RABGAP1: variants seen among roughly 807,000 people sequenced by gnomAD.
RABGAP1 encodes RAB GTPase activating protein 1.
A neutral mutation model predicts 137.6 loss-of-function variants in RABGAP1; 23 were observed. That is an observed-to-expected ratio of 0.17 (90% confidence interval 0.12 to 0.24). RABGAP1 has a LOEUF of 0.24. Among genes scored for constraint, RABGAP1 ranks in the 10% least tolerant of loss-of-function variants. The probability of loss-of-function intolerance (pLI) is 1.00; values close to 1 mark genes in which losing one functional copy is unlikely to be tolerated. For missense variants in RABGAP1, 906 were observed against 1,275.8 expected, an observed-to-expected ratio of 0.71 and a Z score of 4.42; for synonymous variants, 451 against 450.7, an observed-to-expected ratio of 1.00 and a Z score of -0.01.
chr9:123,042,462 A>T (rs1013076182), intron 13 of RABGAP1, among the ~76,000 whole-genome samples: 1 of 152,258 alleles, frequency 6.6e-6, no homozygotes, highest in East Asian at 1.9e-4. Flanking sequence ...AACAACCAAA[A>T]AACCCAACTG....
At chr9:122,955,525 G>A (rs576857052) in intron 1 of RABGAP1, among the ~76,000 whole-genome samples, 3 of 152,300 alleles carry the variant, frequency 2.0e-5, no homozygotes, top group South Asian at 2.1e-4. Flanking sequence ...TAAATAAAAG[G>A]CAGCAGAGAG....
At chr9:123,049,041 G>C (rs537220454) in intron 13 of RABGAP1, among the ~76,000 whole-genome samples, 1 of 152,282 alleles carries the variant, frequency 6.6e-6, no homozygotes, top group East Asian at 1.9e-4. Flanking sequence ...GCCATATTTG[G>C]ATTGAAACAA....
intron 11 of RABGAP1, among the ~76,000 whole-genome samples, chr9:123,014,906 A>G (rs1485901690): frequency 6.6e-6 from 1 of 152,120 alleles, no homozygotes; most frequent in Admixed American, 6.5e-5. Flanking sequence ...AGATGCTTAT[A>G]AAACCATCAG....
chr9:123,073,567 G>A lies in RABGAP1; in HGVS notation c.1999G>A (p.Ala667Thr). 6.2e-7 allele frequency: 1 copy of A among 1,612,766 alleles called. No homozygotes were observed. Among genetic ancestry groups the A allele is most frequent in the Non-Finnish European group, 8.5e-7 (1 of 1,179,446 alleles). ...TCTGTTACAGATGCCTGAAGAACAG[G>A]CATTCAGTGTTCTGGTCAAGATCAT... ...VLLLHMPEEQ[A>T]FSVLVKIMFD... is the part of the protein sequence containing the mutation. The change falls in exon 16 of 26, where the codon GCA becomes ACA. Residue 667 changes from alanine to threonine, a missense_variant. Around this residue, in one of 9 missense-constraint regions of RABGAP1, gnomAD observed 30 missense variants for 105.8 expected, o/e 0.28. Coordinates refer to ENST00000373647, the MANE Select transcript of RABGAP1 (RefSeq NM_012197.4).
chr9:122,960,608 A>C (rs1481588583), intron 2 of RABGAP1, among the ~76,000 whole-genome samples: 1 of 152,232 alleles, frequency 6.6e-6, no homozygotes, highest in African/African-American at 2.4e-5. Context: ...GTTTCTAACC[A>C]AAAATTATAA....
chr9:122,941,405 C>T (rs1279527970), intron 1 of RABGAP1, among the ~76,000 whole-genome samples: 1 of 152,206 alleles, frequency 6.6e-6, no homozygotes, highest in African/African-American at 2.4e-5. Context: ...TCCCTCTGGT[C>T]CCCCAGCAAA....
At chr9:123,048,089 A>G (rs1346674134) in intron 13 of RABGAP1, among the ~76,000 whole-genome samples, 1 of 151,776 alleles carries the variant, frequency 6.6e-6, no homozygotes, top group Non-Finnish European at 1.5e-5. Context: ...ACAGGTGTGC[A>G]TCACCACGCC....
At chr9:123,012,492 C>T (rs1028688154) in intron 11 of RABGAP1, among the ~76,000 whole-genome samples, 18 of 152,198 alleles carry the variant, frequency 1.2e-4, no homozygotes, top group African/African-American at 4.1e-4. Flanking sequence ...CTGGGCCCGA[C>T]TAAAGGTTCC....
intron 2 of RABGAP1, among the ~76,000 whole-genome samples, chr9:122,970,508 C>G (rs542922470): frequency 2.0e-5 from 3 of 152,242 alleles, no homozygotes; most frequent in African/African-American, 7.2e-5. Flanking sequence ...AGGTTTGTTA[C>G]AAATGTATAT....
chr9:122,980,951 C>G (rs890764520), intron 2 of RABGAP1, among the ~76,000 whole-genome samples: 3 of 152,042 alleles, frequency 2.0e-5, no homozygotes, highest in Non-Finnish European at 2.9e-5. Flanking sequence ...ATTTTGGCAT[C>G]GTAGTTTGCG....
rs751224501 is a variant in RABGAP1 at position 122,996,983 on chromosome 9, T to C, written c.1102-276T>C. The stretch of plus-strand genomic sequence containing the variant: ...TCTTTATTTTCAAAACTAAAAATTA[T>C]AATTCACATGAAAGAAGAATTCAAC... On this transcript the variant is annotated intron_variant, in intron 8 of 25. Coordinates refer to ENST00000373647, the MANE Select transcript of RABGAP1 (RefSeq NM_012197.4). 22 of 562,244 alleles carry C rather than the reference T, an allele frequency of 3.9e-5. 1 individual carries two copies. Among genetic ancestry groups the C allele is most frequent in the Middle Eastern group, 5.5e-4 (2 of 3,608 alleles). 34.8% of individuals were successfully genotyped at this position (562,244 alleles called of 1,614,324 possible). A position where few individuals can be genotyped will look rare whatever the true frequency, so the allele number is the denominator to read the frequency against.
intron 10 of RABGAP1, among the ~76,000 whole-genome samples, chr9:123,005,056 CAAAAAAAAAA>C (rs11421673): frequency 1.1e-5 from 1 of 93,892 alleles, no homozygotes; most frequent in African/African-American, 3.7e-5. Context: ...AACTCCATCT[CAAAAAAAAAA>C]AAAAAAAAAA....
chr9:123,022,211 A>T (rs1047981804), intron 13 of RABGAP1, among the ~76,000 whole-genome samples: 2 of 152,242 alleles, frequency 1.3e-5, no homozygotes, highest in African/African-American at 2.4e-5. Flanking sequence ...AAGACTATTC[A>T]TAAGACATGA....
intron 6 of RABGAP1, among the ~76,000 whole-genome samples, chr9:122,993,916 G>C (rs1297557145): frequency 2.0e-5 from 3 of 151,900 alleles, no homozygotes; most frequent in African/African-American, 7.3e-5. Context: ...CACCTGCCTC[G>C]GCCTCCCATA....
At chr9:123,045,972 C>A (rs2033189228) in intron 13 of RABGAP1, among the ~76,000 whole-genome samples, 1 of 152,150 alleles carries the variant, frequency 6.6e-6, no homozygotes, top group Non-Finnish European at 1.5e-5. Context: ...CCAATGACTT[C>A]CAGGTCCTGC....
chr9:122,940,884 C>T (rs1833502137), upstream of RABGAP1: 1 of 152,380 alleles, frequency 6.6e-6, no homozygotes, highest in East Asian at 1.9e-4. Flanking sequence ...GAGGAAGCTC[C>T]GCCTCGCTTC....
At chr9:122,943,139 AT>A (rs1564345882) in intron 1 of RABGAP1, among the ~76,000 whole-genome samples, 1 of 128,630 alleles carries the variant, frequency 7.8e-6, no homozygotes, top group Non-Finnish European at 1.5e-5. Context: ...GGCTGGAGTG[AT>A]CTTGGCTCAC....
At chr9:123,010,617 C>T (rs1012549250) in intron 11 of RABGAP1, 89 bp downstream of exon 11, 34 of 1,220,816 alleles carry the variant, frequency 2.8e-5, no homozygotes, top group Admixed American at 1.2e-4. Context: ...TAATGTGATA[C>T]GGCATTTATA....
chr9:123,051,792 T>G (rs1030649020), intron 13 of RABGAP1, among the ~76,000 whole-genome samples: 1 of 96,776 alleles, frequency 1.0e-5, no homozygotes, highest in Admixed American at 1.1e-4. Flanking sequence ...TTATTTTATT[T>G]TATTATTATC....
Sources: gnomAD v4.1 joint callset for allele counts (sites outside exome capture counted in the v4.1 genomes callset) on GRCh38, gnomAD v4.1.1 for gene constraint, gnomAD v4.1.1 regional missense constraint, MANE v1.5 for transcripts, NCBI Gene and HGNC (gene_info 2026-07-23, HGNC 2026-07-21) for gene names.